SPAG16: variants seen among roughly 807,000 people sequenced by gnomAD.
The protein encoded by SPAG16 is sperm-associated antigen 16 protein.
A neutral mutation model predicts 80.4 loss-of-function variants in SPAG16; 86 were observed. The observed-to-expected ratio is 1.07, with a 90% CI of 0.90 to 1.28. The LOEUF (loss-of-function observed/expected upper bound fraction) is 1.28. Ranked by LOEUF, SPAG16 falls within the 50% of genes most tolerant of loss-of-function variation. The pLI is 0.00. For synonymous variants in SPAG16, 294 were observed against 265.9 expected, an observed-to-expected ratio of 1.11 and a Z score of -1.03; for missense variants, 870 against 765.3, an observed-to-expected ratio of 1.14 and a Z score of -1.61.
chr2:213,288,724 T>C (rs779294925), intron 1 of SPAG16, among the ~76,000 whole-genome samples: 1 of 152,200 alleles, frequency 6.6e-6, no homozygotes, highest in Admixed American at 6.5e-5. Context: ...TTTCTTTTTC[T>C]TTTTTAAAAC....
chr2:213,880,764 T>G (rs2076312107), intron 11 of SPAG16, among the ~76,000 whole-genome samples: 1 of 152,166 alleles, frequency 6.6e-6, no homozygotes, highest in South Asian at 2.1e-4. Flanking sequence ...TTTGTCAGCT[T>G]TGTTGAAAAT....
At chr2:213,346,509 G>A (rs1364259361) in intron 6 of SPAG16, among the ~76,000 whole-genome samples, 1 of 152,140 alleles carries the variant, frequency 6.6e-6, no homozygotes, top group African/African-American at 2.4e-5. Flanking sequence ...TATGATATTG[G>A]CTGTGGGTTT....
chr2:213,320,910 A>G (rs959255519), intron 5 of SPAG16, among the ~76,000 whole-genome samples: 1 of 152,014 alleles, frequency 6.6e-6, no homozygotes, highest in Admixed American at 6.6e-5. Flanking sequence ...TACATCTGTC[A>G]TGCTACCAGC....
intron 15 of SPAG16, among the ~76,000 whole-genome samples, chr2:214,340,401 T>C (rs1697589852): frequency 1.3e-5 from 2 of 152,216 alleles, no homozygotes; most frequent in African/African-American, 4.8e-5. Flanking sequence ...AATTTCTTTT[T>C]AGAATAATTT....
rs1377526948 is a variant in SPAG16, at chr2:213,959,489, A to T, written c.1400+29344A>T. On this transcript the variant is annotated intron_variant, in intron 12 of 15. Coordinates refer to ENST00000331683, the MANE Select transcript of SPAG16 (RefSeq NM_024532.5). ...TGACCCAAACCCTAACACACCTCATAGTTGGTTACTATTATAAGACCCAAT... is the reference window on the plus strand; with the variant it reads ...TGACCCAAACCCTAACACACCTCATTGTTGGTTACTATTATAAGACCCAAT... Among the ~76,000 whole-genome samples the T allele has an allele frequency of 3.3e-5, 5 of 152,202 alleles. No individual in the cohort carries two copies. The East Asian group carries it at 9.6e-4, about 29-fold the overall frequency.
chr2:213,987,058 G>A (rs2046050202), intron 12 of SPAG16, among the ~76,000 whole-genome samples: 1 of 152,012 alleles, frequency 6.6e-6, no homozygotes, highest in South Asian at 2.1e-4. Flanking sequence ...AATCCCAGTA[G>A]GGAAAATAGA....
At chr2:213,453,527 T>C (rs1435620384) in intron 9 of SPAG16, among the ~76,000 whole-genome samples, 1 of 152,228 alleles carries the variant, frequency 6.6e-6, no homozygotes, top group Non-Finnish European at 1.5e-5. Flanking sequence ...TTTATAACAT[T>C]AATAAAATGG....
intron 9 of SPAG16, among the ~76,000 whole-genome samples, chr2:213,391,097 G>A (rs539538476): frequency 6.1e-4 from 93 of 152,072 alleles, no homozygotes; most frequent in African/African-American, 2.1e-3. Flanking sequence ...GTGAAACCCC[G>A]TCTCTACTAA....
At chr2:214,013,800 C>A in intron 12 of SPAG16, 151 bp from the exon 13 acceptor site, 1 of 638,288 alleles carries the variant, frequency 1.6e-6, no homozygotes, top group South Asian at 2.4e-5. Context: ...TATAAGGTAG[C>A]TATAGAATTT....
At chr2:213,633,098 T>G (rs79370332) in intron 10 of SPAG16, among the ~76,000 whole-genome samples, 3 of 152,156 alleles carry the variant, frequency 2.0e-5, no homozygotes, top group African/African-American at 2.4e-5. Flanking sequence ...CATCAGGTCC[T>G]GGACTTTTCT....
chr2:214,000,740 G>A (rs2046753498), intron 12 of SPAG16, among the ~76,000 whole-genome samples: 1 of 152,184 alleles, frequency 6.6e-6, no homozygotes, highest in African/African-American at 2.4e-5. Flanking sequence ...GATGTGTGTT[G>A]TGGGTCCATT....
chr2:214,340,206 C>T (rs375600352), intron 15 of SPAG16, among the ~76,000 whole-genome samples: 47 of 152,248 alleles, frequency 3.1e-4, no homozygotes, highest in Middle Eastern at 3.4e-3. Flanking sequence ...TTTTCTTTGA[C>T]GATAGACCCA....
At position 213,686,674 on chromosome 2, in the gene SPAG16, CTTTTT is replaced by C. The variant is rs748200040; in HGVS notation, c.1071-175785_1071-175781del. ...TTGGTATGGTTAGGTATTAATCCAC[CTTTTT>C]TTTTTTTTTTTTTTTTTTTTTTTTT... On this transcript the variant is annotated intron_variant, in intron 10 of 15. Transcript: ENST00000331683. 2.4e-3 allele frequency among the ~76,000 whole-genome samples: 211 copies of C among 86,124 alleles called. 5 individuals are homozygous for C. Among genetic ancestry groups the C allele is most frequent in the Middle Eastern group, 0.018 (2 of 114 alleles). The allele number at this position is 86,124 out of a possible 152,430, so 56.5% of individuals were successfully genotyped here.
At chr2:214,247,519 G>A (rs1453801690) in intron 15 of SPAG16, among the ~76,000 whole-genome samples, 1 of 152,098 alleles carries the variant, frequency 6.6e-6, no homozygotes, top group Non-Finnish European at 1.5e-5. Flanking sequence ...AAGAAACAGT[G>A]ATTAATTAGA....
intron 10 of SPAG16, among the ~76,000 whole-genome samples, chr2:213,720,531 C>T (rs990672544): frequency 7.3e-5 from 11 of 150,418 alleles, no homozygotes; most frequent in East Asian, 2.0e-4. Flanking sequence ...CCAGCTACTC[C>T]GAAGGCTGAG....
intron 14 of SPAG16, among the ~76,000 whole-genome samples, chr2:214,112,181 T>A (rs2053698777): frequency 6.6e-6 from 1 of 152,198 alleles, no homozygotes; most frequent in Non-Finnish European, 1.5e-5. Flanking sequence ...AGAGACAGTT[T>A]GTTGTGATTT....
chr2:214,310,074 T>A (rs1275709451), intron 15 of SPAG16, among the ~76,000 whole-genome samples: 1 of 152,196 alleles, frequency 6.6e-6, no homozygotes, highest in Admixed American at 6.5e-5. Flanking sequence ...AGTAGTGTGA[T>A]CTTTTGGAGG....
At chr2:214,390,743 G>A (rs1179289849) in intron 15 of SPAG16, among the ~76,000 whole-genome samples, 1 of 152,088 alleles carries the variant, frequency 6.6e-6, no homozygotes, top group Non-Finnish European at 1.5e-5. Context: ...GATGGAATAT[G>A]TAGAGCCAAG....
intron 14 of SPAG16, among the ~76,000 whole-genome samples, chr2:214,118,594 G>A (rs1187273742): frequency 1.3e-5 from 2 of 152,084 alleles, no homozygotes; most frequent in African/African-American, 4.8e-5. Flanking sequence ...AGGGGGAAAA[G>A]CCCCTTGTAA....
Sources: allele counts gnomAD v4.1 joint callset (sites outside exome capture counted in the v4.1 genomes callset), GRCh38; gene constraint gnomAD v4.1.1; transcripts MANE v1.5; gene names NCBI Gene and HGNC (gene_info 2026-07-23, HGNC 2026-07-21).